DRAM1: variants seen among roughly 807,000 people sequenced by gnomAD.
DRAM1 encodes the protein DNA damage-regulated autophagy modulator protein 1.
Under a neutral mutation model 28.5 loss-of-function variants are expected in DRAM1, and 25 were observed. The observed-to-expected ratio is 0.88, with a 90% CI of 0.64 to 1.23. The LOEUF is 1.23. Among genes scored for constraint, DRAM1 ranks in the 50% most tolerant of loss-of-function variants. The pLI is 0.00. For missense variants in DRAM1, 249 were observed against 299.2 expected, an observed-to-expected ratio of 0.83 and a Z score of 1.24; for synonymous variants, 113 against 114.2, an observed-to-expected ratio of 0.99 and a Z score of 0.07.
At chr12:101,895,675 A>T (rs896969991) in intron 1 of DRAM1, among the ~76,000 whole-genome samples, 11 of 144,520 alleles carry the variant, frequency 7.6e-5, no homozygotes, top group African/African-American at 2.9e-4. Context: ...AGTTCAAGCG[A>T]TTCTCCTGCC....
chr12:101,889,895 G>A (rs566832130), intron 1 of DRAM1, among the ~76,000 whole-genome samples: 5 of 142,234 alleles, frequency 3.5e-5, no homozygotes, highest in South Asian at 2.3e-4. Flanking sequence ...AGCCGAGATC[G>A]TGCCACTACA....
chr12:101,886,157 C>T (rs981471036), intron 1 of DRAM1, among the ~76,000 whole-genome samples: 14 of 152,280 alleles, frequency 9.2e-5, no homozygotes, highest in African/African-American at 2.4e-4. Flanking sequence ...AGAAGATTTG[C>T]GGTCCCAGTT....
intron 4 of DRAM1, among the ~76,000 whole-genome samples, chr12:101,910,335 C>A (rs544354757): frequency 6.6e-6 from 1 of 152,148 alleles, no homozygotes; most frequent in African/African-American, 2.4e-5. Context: ...TGTAGTGTTA[C>A]AAGCAAAGTT....
At chr12:101,909,330 G>A (rs148272168) in intron 4 of DRAM1, among the ~76,000 whole-genome samples, 4 of 152,170 alleles carry the variant, frequency 2.6e-5, no homozygotes, top group African/African-American at 2.4e-5. Flanking sequence ...GTCTCTTTGC[G>A]GGGAAGAATG....
At chr12:101,882,551 T>C (rs1251513108) in intron 1 of DRAM1, among the ~76,000 whole-genome samples, 2 of 151,386 alleles carry the variant, frequency 1.3e-5, no homozygotes, top group African/African-American at 4.8e-5. Flanking sequence ...TTCTTCAGCA[T>C]ATTGGATAAA....
chr12:101,893,962 A>C (rs977778743), intron 1 of DRAM1, among the ~76,000 whole-genome samples: 2 of 151,326 alleles, frequency 1.3e-5, no homozygotes. Flanking sequence ...ACAAGGTCTC[A>C]CTCTGTCACC....
chr12:101,906,097 T>G (rs923954926), intron 3 of DRAM1, among the ~76,000 whole-genome samples: 1 of 152,186 alleles, frequency 6.6e-6, no homozygotes, highest in Non-Finnish European at 1.5e-5. Flanking sequence ...CCATGCAAGG[T>G]ATCTTAGGTA....
At chr12:101,909,702 A>G (rs1488884324) in intron 4 of DRAM1, among the ~76,000 whole-genome samples, 7 of 152,208 alleles carry the variant, frequency 4.6e-5, no homozygotes, top group African/African-American at 7.2e-5. Flanking sequence ...TAACTCAGCA[A>G]TCTGAAAGGA....
intron 1 of DRAM1, among the ~76,000 whole-genome samples, chr12:101,883,933 C>CA (rs1278466703): frequency 0.049 from 5,671 of 114,822 alleles, 309 homozygotes; most frequent in African/African-American, 0.21. Context: ...GACTCTTTCT[C>CA]AAAAAAAAAA....
chr12:101,877,829 C>T lies in DRAM1; in HGVS notation c.40C>T (p.Leu14Phe), dbSNP rs1872544257. 5.8e-6 allele frequency: 9 copies of T among 1,546,940 alleles called. No individual in the cohort carries two copies. The highest frequency in any genetic ancestry group is 2.7e-5 in the African/African-American group (2 of 72,968). ...FLRGMAFVPF[L>F]LVTWSSAAFI... ...GAGGGGAATGGCTTTCGTCCCCTTC[C>T]TCTTGGTGACCTGGTCGTCAGCCGC... Residue 14 changes from leucine (L) to phenylalanine (F), a missense_variant, in exon 1 of 7, where the codon CTC becomes TTC. Leu to Phe is a conservative substitution (Grantham distance 22, BLOSUM62 0). Coordinates refer to ENST00000258534, the MANE Select transcript of DRAM1 (RefSeq NM_018370.3). The surrounding 1 kb of genome is among the most constrained non-coding windows in gnomAD (Gnocchi z 4.1).
intron 1 of DRAM1, among the ~76,000 whole-genome samples, chr12:101,895,186 G>GTTTGTTTTTTTTT (rs1372490429): frequency 4.0e-5 from 3 of 75,720 alleles, no homozygotes; most frequent in African/African-American, 1.7e-4. Context: ...AACCCTTCAG[G>GTTTGTTTTTTTTT]TTTTTTTTTT....
At chr12:101,910,425 A>T (rs1873995110) in intron 4 of DRAM1, among the ~76,000 whole-genome samples, 1 of 152,068 alleles carries the variant, frequency 6.6e-6, no homozygotes, top group South Asian at 2.1e-4. Flanking sequence ...TTTTCACAAA[A>T]TAAGCATTTC....
At chr12:101,882,107 A>ATTTTTTTTTTTTT (rs78402038) in intron 1 of DRAM1, among the ~76,000 whole-genome samples, 5 of 129,532 alleles carry the variant, frequency 3.9e-5, no homozygotes, top group Non-Finnish European at 6.7e-5. Flanking sequence ...TGATGGTCTA[A>ATTTTTTTTTTTTT]TTTTTTTTTT....
chr12:101,881,559 A>G (rs188145150), intron 1 of DRAM1, among the ~76,000 whole-genome samples: 196 of 152,006 alleles, frequency 1.3e-3, no homozygotes, highest in Non-Finnish European at 2.0e-3. Flanking sequence ...CTTCCCTTCA[A>G]CCACGCTGGC....
intron 1 of DRAM1, among the ~76,000 whole-genome samples, chr12:101,897,569 A>C (rs538604791): frequency 3.1e-4 from 47 of 151,362 alleles, no homozygotes; most frequent in African/African-American, 9.7e-4. Context: ...TTCTTCACTG[A>C]GAAGGAACAC....
chr12:101,909,990 A>C (rs1475569696), intron 4 of DRAM1, among the ~76,000 whole-genome samples: 1 of 152,222 alleles, frequency 6.6e-6, no homozygotes, highest in Non-Finnish European at 1.5e-5. Context: ...TTACGGTATA[A>C]AGTGGGCAAG....
chr12:101,917,941 C>T (rs1874322009), intron 5 of DRAM1, among the ~76,000 whole-genome samples: 1 of 152,160 alleles, frequency 6.6e-6, no homozygotes, highest in South Asian at 2.1e-4. Context: ...CTATCACAAA[C>T]CCGCTGCTGG....
chr12:101,909,851 A>G (rs565373355), intron 4 of DRAM1, among the ~76,000 whole-genome samples: 4 of 152,330 alleles, frequency 2.6e-5, no homozygotes, highest in South Asian at 2.1e-4. Context: ...AGAGTTCCCC[A>G]TCTTTCAAAA....
rs139622619 is a variant in DRAM1, at chr12:101,895,395, C to T, written c.132-2468C>T. On this transcript the variant is annotated intron_variant, in intron 1 of 6. Transcript: ENST00000258534. Reference sequence around the variant, plus strand: ...GTTTCACCATGTTGGCCAGGCTGGTCTCGAACTCCTGAGCTCAAGTGATCT... The same window carrying T: ...GTTTCACCATGTTGGCCAGGCTGGTTTCGAACTCCTGAGCTCAAGTGATCT... Among the ~76,000 whole-genome samples, 199 of 150,748 alleles carry T rather than the reference C, an allele frequency of 1.3e-3. 2 individuals are homozygous for T. The East Asian group carries it at 0.036, about 27-fold the overall frequency.
Sources: gnomAD v4.1 joint callset for allele counts (sites outside exome capture counted in the v4.1 genomes callset) on GRCh38, gnomAD v4.1.1 for gene constraint, Gnocchi (gnomAD v3.1) non-coding constraint, MANE v1.5 for transcripts, NCBI Gene and HGNC (gene_info 2026-07-23, HGNC 2026-07-21) for gene names.